Variants in CSMD1 observed in about 807,000 individuals in gnomAD.
CSMD1 encodes CUB and Sushi multiple domains 1, also known as CUB and sushi domain-containing protein 1.
CSMD1 carries 213 observed loss-of-function variants against 417.5 expected under a neutral mutation model. That is an observed-to-expected ratio of 0.51 (90% confidence interval 0.46 to 0.57). The LOEUF (loss-of-function observed/expected upper bound fraction) is 0.57. Ranked by LOEUF, CSMD1 falls within the 20% of genes least tolerant of loss-of-function variation. CSMD1 has a pLI of 0.00. For synonymous variants in CSMD1, 2,862 were observed against 1,736.8 expected, an observed-to-expected ratio of 1.65 and a Z score of -16.11; for missense variants, 6,923 against 4,529.7, an observed-to-expected ratio of 1.53 and a Z score of -15.17.
chr8:3,448,393 G>C (rs1815461414), intron 12 of CSMD1, among the ~76,000 whole-genome samples: 1 of 132,150 alleles, frequency 7.6e-6, no homozygotes, highest in Non-Finnish European at 1.7e-5. Flanking sequence ...GGAGGGAGGA[G>C]GAAGGGAAGG....
chr8:3,162,556 C>T (rs951629974), intron 37 of CSMD1, among the ~76,000 whole-genome samples: 1 of 151,902 alleles, frequency 6.6e-6, no homozygotes, highest in Non-Finnish European at 1.5e-5. Context: ...ATAGAAGATC[C>T]CAACTTCAAT....
At chr8:4,342,248 T>C (rs1388170948) in intron 3 of CSMD1, among the ~76,000 whole-genome samples, 1 of 18,738 alleles carries the variant, frequency 5.3e-5, no homozygotes, top group East Asian at 1.9e-3. Context: ...TGTGTGTGTG[T>C]GTCTCTGTAT....
chr8:3,865,659 G>A (rs572273768), intron 5 of CSMD1, among the ~76,000 whole-genome samples: 2 of 152,256 alleles, frequency 1.3e-5, no homozygotes, highest in African/African-American at 4.8e-5. Flanking sequence ...AATTCCATCA[G>A]TCCTGTTAAG....
At chr8:3,000,938 A>G (rs1585123653) in intron 52 of CSMD1, among the ~76,000 whole-genome samples, 1 of 152,068 alleles carries the variant, frequency 6.6e-6, no homozygotes, top group Non-Finnish European at 1.5e-5. Flanking sequence ...GAGCTTCCAC[A>G]TGGAGACAGA....
intron 5 of CSMD1, among the ~76,000 whole-genome samples, chr8:3,993,556 G>A (rs1246756705): frequency 6.6e-6 from 1 of 152,084 alleles, no homozygotes; most frequent in Non-Finnish European, 1.5e-5. Context: ...GGTTTAACAG[G>A]AACAAAATAA....
chr8:4,808,138 C>T (rs1225983347), intron 1 of CSMD1, among the ~76,000 whole-genome samples: 1 of 152,144 alleles, frequency 6.6e-6, no homozygotes, highest in Non-Finnish European at 1.5e-5. Flanking sequence ...AAGAGGAATC[C>T]ACCACCACGA....
chr8:3,416,942 T>C (rs1176654275), intron 12 of CSMD1, among the ~76,000 whole-genome samples: 1 of 152,230 alleles, frequency 6.6e-6, no homozygotes, highest in Non-Finnish European at 1.5e-5. Flanking sequence ...GGTTCACCCA[T>C]AGTCATGTAT....
intron 2 of CSMD1, among the ~76,000 whole-genome samples, chr8:4,594,176 T>A (rs1479776212): frequency 6.6e-6 from 1 of 150,564 alleles, no homozygotes; most frequent in Non-Finnish European, 1.5e-5. Context: ...CATTTTAACT[T>A]GATTAATTCT....
chr8:3,053,887 T>G (rs1477661976), intron 49 of CSMD1, among the ~76,000 whole-genome samples: 1 of 152,242 alleles, frequency 6.6e-6, no homozygotes, highest in Non-Finnish European at 1.5e-5. Flanking sequence ...TTAAAGATAT[T>G]GTTCACACCA....
intron 33 of CSMD1, 36 bp from the exon 34 acceptor site, chr8:3,190,151 T>C: frequency 6.6e-7 from 1 of 1,525,640 alleles, no homozygotes; most frequent in Non-Finnish European, 8.9e-7. Flanking sequence ...CGTCTGTATC[T>C]CCATCAGCAA....
chr8:3,482,078 A>C (rs1817779725), intron 11 of CSMD1, among the ~76,000 whole-genome samples: 1 of 152,228 alleles, frequency 6.6e-6, no homozygotes, highest in African/African-American at 2.4e-5. Flanking sequence ...TAAAATTAAA[A>C]AACAAAACTT....
intron 1 of CSMD1, among the ~76,000 whole-genome samples, chr8:4,938,496 C>T (rs1051905237): frequency 1.3e-5 from 2 of 152,140 alleles, no homozygotes; most frequent in Non-Finnish European, 2.9e-5. Flanking sequence ...AAAAACTGAT[C>T]GATGGTATAG....
chr8:4,683,210 T>C (rs1470581601), intron 1 of CSMD1, among the ~76,000 whole-genome samples: 1 of 152,002 alleles, frequency 6.6e-6, no homozygotes, highest in Admixed American at 6.6e-5. Flanking sequence ...TGAAACAACT[T>C]AGTATTACCA....
intron 1 of CSMD1, among the ~76,000 whole-genome samples, chr8:4,866,061 T>A (rs967072486): frequency 1.5e-4 from 23 of 152,102 alleles, no homozygotes; most frequent in African/African-American, 5.5e-4. Context: ...GACACCTTAA[T>A]GGTTCTGTGC....
At chr8:4,071,256 C>A (rs1403093308) in intron 3 of CSMD1, among the ~76,000 whole-genome samples, 5 of 152,086 alleles carry the variant, frequency 3.3e-5, no homozygotes, top group Admixed American at 3.3e-4. Flanking sequence ...CCAAAGAAGC[C>A]TGACGCCCTG....
intron 2 of CSMD1, among the ~76,000 whole-genome samples, chr8:4,607,131 C>A (rs1800918676): frequency 6.6e-6 from 1 of 151,546 alleles, no homozygotes; most frequent in Non-Finnish European, 1.5e-5. Flanking sequence ...CTTTTTTTTA[C>A]CTGGGAAAGA....
chr8:3,176,439 C>T (rs1820942101), intron 37 of CSMD1, among the ~76,000 whole-genome samples: 2 of 152,084 alleles, frequency 1.3e-5, no homozygotes, highest in Admixed American at 1.3e-4. Context: ...TCAAAAAAAA[C>T]TTCTCCACAG....
chr8:4,930,121 T>A (rs192176910), intron 1 of CSMD1, among the ~76,000 whole-genome samples: 6 of 152,318 alleles, frequency 3.9e-5, no homozygotes, highest in Non-Finnish European at 7.3e-5. Flanking sequence ...TGTGTGACCT[T>A]ACATCAATTG....
At chr8:3,914,428 GT>G (rs1179293672) in intron 5 of CSMD1, among the ~76,000 whole-genome samples, 1 of 152,110 alleles carries the variant, frequency 6.6e-6, no homozygotes, top group Non-Finnish European at 1.5e-5. Flanking sequence ...AGACAACCAT[GT>G]TCTAAATCTT....
Sources: allele counts gnomAD v4.1 joint callset (sites outside exome capture counted in the v4.1 genomes callset), GRCh38; gene constraint gnomAD v4.1.1; transcripts MANE v1.5; gene names NCBI Gene and HGNC (gene_info 2026-07-23, HGNC 2026-07-21).